The following C8orf89 variants were observed in gnomAD, a reference collection of about 807,000 sequenced individuals.
The protein encoded by C8orf89 is chromosome 8 open reading frame 89.
Under a neutral mutation model 15.8 loss-of-function variants are expected in C8orf89, and 14 were observed. The observed-to-expected ratio is 0.89, with a 90% CI of 0.59 to 1.39. The LOEUF is 1.39. C8orf89 is among the 40% of genes most tolerant of loss of function. The pLI is 0.00. For missense variants in C8orf89, 181 were observed against 184.5 expected, an observed-to-expected ratio of 0.98 and a Z score of 0.11; for synonymous variants, 55 against 62.2, an observed-to-expected ratio of 0.88 and a Z score of 0.54.
the C8orf89 span, among the ~76,000 whole-genome samples, chr8:73,280,323 C>T: frequency 1.3e-5 from 2 of 152,154 alleles, no homozygotes; most frequent in Non-Finnish European, 2.9e-5. Flanking sequence ...CCACATTGCC[C>T]AGAAGTTCCC....
the C8orf89 span, among the ~76,000 whole-genome samples, chr8:73,280,178 A>C: frequency 6.6e-6 from 1 of 152,102 alleles, no homozygotes; most frequent in African/African-American, 2.4e-5. Flanking sequence ...CTCTGTGAAC[A>C]TTCCTTCATT....
chr8:73,274,187 T>C, the C8orf89 span, among the ~76,000 whole-genome samples: 1 of 152,086 alleles, frequency 6.6e-6, no homozygotes, highest in Non-Finnish European at 1.5e-5. Flanking sequence ...GGAATCTTGC[T>C]CTGTCGCCCA....
the C8orf89 span, among the ~76,000 whole-genome samples, chr8:73,278,920 ACT>A: frequency 4.6e-5 from 7 of 151,628 alleles, no homozygotes; most frequent in South Asian, 2.1e-4. Flanking sequence ...AGGTACGACA[ACT>A]CTTTTTTTCT....
rs1040810240 is a variant in C8orf89, at chr8:73,249,229, T to C, written c.337+1039A>G. Among the ~76,000 whole-genome samples, 6 of 152,212 alleles carry C rather than the reference T, an allele frequency of 3.9e-5. 1 individual carries two copies. Among genetic ancestry groups the C allele is most frequent in the Admixed American group, 3.9e-4 (6 of 15,274 alleles). On this transcript the variant is annotated intron_variant, in intron 3 of 3. Coordinates refer to ENST00000624510, the MANE Select transcript of C8orf89 (RefSeq NM_001243237.3). ...TTTATGTAATGAATTGCCTTATTGATTTGGGTATGTTGAACCAACCTTGCA... is the reference window on the plus strand; with the variant it reads ...TTTATGTAATGAATTGCCTTATTGACTTGGGTATGTTGAACCAACCTTGCA...
intron 3 of C8orf89, among the ~76,000 whole-genome samples, 200 bp downstream of exon 3, chr8:73,250,068 C>T (rs559465333): frequency 6.6e-5 from 10 of 152,142 alleles, no homozygotes; most frequent in African/African-American, 2.4e-4. Context: ...TGATGAGGGC[C>T]TACCCTTGAG....
At chr8:73,260,456 A>G (rs1025633332), upstream of C8orf89, among the ~76,000 whole-genome samples, 14 of 152,330 alleles carry the variant, frequency 9.2e-5, no homozygotes, top group African/African-American at 3.4e-4. Flanking sequence ...TAATGGGTGC[A>G]GCACACCAGC....
upstream of C8orf89, chr8:73,259,543 G>A (rs564942568): frequency 7.6e-5 from 72 of 949,540 alleles, 1 homozygote; most frequent in South Asian, 1.4e-3. Context: ...AGGCACGTCC[G>A]AGACAAGGCA....
rs142148277 is a variant in C8orf89, at chr8:73,258,764, G to A, written c.127+568C>T. 2.8e-3 allele frequency among the ~76,000 whole-genome samples: 431 copies of A among 151,732 alleles called. 2 individuals carry two copies. Among genetic ancestry groups the A allele is most frequent in the African/African-American group, 0.01 (419 of 41,336 alleles). Reference sequence around the variant, plus strand: ...TCTACCCTCAGCCTCCTGAGTAGCCGGGACCACAGGCGCACACCAACACGC... The same window carrying A: ...TCTACCCTCAGCCTCCTGAGTAGCCAGGACCACAGGCGCACACCAACACGC... On this transcript the variant is annotated intron_variant, in intron 1 of 3. Coordinates refer to ENST00000624510, the MANE Select transcript of C8orf89 (RefSeq NM_001243237.3).
rs1437478881 is a variant in C8orf89 at position 73,257,115 on chromosome 8, C to A, written c.139G>T (p.Ala47Ser). The change falls in exon 2 of 4, where the codon GCA (alanine) becomes TCA (serine). Residue 47 changes from alanine to serine, a missense_variant. Ala to Ser is a moderately conservative substitution (Grantham distance 99, BLOSUM62 1). Transcript: ENST00000624510. The part of the protein sequence containing the change: ...TQKIKKEYTT[A>S]FGLEELKECI... ...TCCTTGAGCTCTTCTAGACCAAATGCTGTGGTATATTCTGGTTAAAAATAT... is the reference window on the plus strand; with the variant it reads ...TCCTTGAGCTCTTCTAGACCAAATGATGTGGTATATTCTGGTTAAAAATAT... 7.8e-6 allele frequency: 12 copies of A among 1,531,602 alleles called. No homozygotes were observed. The highest frequency in any genetic ancestry group is 1.0e-5 in the Non-Finnish European group (12 of 1,144,356). The allele number at this position is 1,531,602 out of a possible 1,614,324, so 94.9% of individuals were successfully genotyped here. A position where few individuals can be genotyped will look rare whatever the true frequency, so the allele number is the denominator to read the frequency against.
chr8:73,266,423 T>C, the C8orf89 span, among the ~76,000 whole-genome samples: 1 of 152,208 alleles, frequency 6.6e-6, no homozygotes, highest in South Asian at 2.1e-4. Flanking sequence ...GGAATATGAA[T>C]GGCTTACACA....
At chr8:73,256,350 A>G (rs1813383521) in intron 2 of C8orf89, among the ~76,000 whole-genome samples, 1 of 150,868 alleles carries the variant, frequency 6.6e-6, no homozygotes, top group Non-Finnish European at 1.5e-5. Flanking sequence ...TATTGCAGAG[A>G]GTTAATTTTT....
chr8:73,273,470 C>A, the C8orf89 span, among the ~76,000 whole-genome samples: 40 of 152,232 alleles, frequency 2.6e-4, no homozygotes, highest in Non-Finnish European at 4.6e-4. Flanking sequence ...CCGCCTGCCA[C>A]CTTGGCCCTC....
chr8:73,249,350 A>G (rs1226530209), intron 3 of C8orf89, among the ~76,000 whole-genome samples: 1 of 152,148 alleles, frequency 6.6e-6, no homozygotes. Flanking sequence ...TTTTACATCA[A>G]TGTTCATCAG....
intron 3 of C8orf89, among the ~76,000 whole-genome samples, chr8:73,247,926 C>T (rs527309552): frequency 6.6e-6 from 1 of 152,282 alleles, no homozygotes; most frequent in South Asian, 2.1e-4. Flanking sequence ...TTTTGCTATG[C>T]AGAAGCACTT....
intron 3 of C8orf89, among the ~76,000 whole-genome samples, chr8:73,243,771 C>T (rs1315646644): frequency 1.3e-5 from 2 of 152,172 alleles, no homozygotes; most frequent in Non-Finnish European, 2.9e-5. Flanking sequence ...TTCAAGTCAC[C>T]TGCCCACCTC....
At chr8:73,247,710 T>C (rs886492727) in intron 3 of C8orf89, among the ~76,000 whole-genome samples, 1 of 152,244 alleles carries the variant, frequency 6.6e-6, no homozygotes, top group African/African-American at 2.4e-5. Context: ...TGAGCTTTTT[T>C]TTCATATGCT....
the C8orf89 span, among the ~76,000 whole-genome samples, chr8:73,285,049 T>C: frequency 6.6e-6 from 1 of 152,064 alleles, no homozygotes; most frequent in East Asian, 1.9e-4. Flanking sequence ...CACACACAAA[T>C]TATAGGTAAA....
Position 73,250,253 on chromosome 8 carries a change from G to C in C8orf89, c.337+15C>G. 6.6e-7 allele frequency: 1 copy of C among 1,525,240 alleles called. No individual in the cohort carries two copies. Among genetic ancestry groups the C allele is most frequent in the Non-Finnish European group, 8.8e-7 (1 of 1,138,274 alleles). The allele number at this position is 1,525,240 out of a possible 1,614,324, so 94.5% of individuals were successfully genotyped here. On this transcript the variant is annotated intron_variant, in intron 3 of 3. Transcript: ENST00000624510. ...ACCCAAGAGAGGTAGTAGAAAAAAG[G>C]ACGAGTCAGCTTACCTTTTGATTTC...
intron 2 of C8orf89, among the ~76,000 whole-genome samples, chr8:73,253,469 G>T (rs1247472018): frequency 6.6e-6 from 1 of 151,842 alleles, no homozygotes; most frequent in African/African-American, 2.4e-5. Context: ...CCAATTCTGT[G>T]AAGAAAGTCA....
Sources: allele counts gnomAD v4.1 joint callset (sites outside exome capture counted in the v4.1 genomes callset), GRCh38; gene constraint gnomAD v4.1.1; transcripts MANE v1.5; gene names NCBI Gene and HGNC (gene_info 2026-07-23, HGNC 2026-07-21).